Variants in MCC observed in about 807,000 individuals in gnomAD.
MCC encodes the protein MCC regulator of Wnt signaling pathway, also known as colorectal mutant cancer protein.
A neutral mutation model predicts 116.2 loss-of-function variants in MCC; 90 were observed. The ratio of observed to expected loss-of-function variants is 0.77; its 90% CI spans 0.65 to 0.92. The LOEUF (loss-of-function observed/expected upper bound fraction) is 0.92. Among genes scored for constraint, MCC ranks in the 40% least tolerant of loss-of-function variants. MCC has a pLI of 0.00. For missense variants in MCC, 1,516 were observed against 1,312.2 expected (o/e 1.16, Z -2.40); for synonymous variants, 578 against 510.5 (o/e 1.13, Z -1.78).
At chr5:113,113,827 A>G (rs1244892267) in intron 6 of MCC, among the ~76,000 whole-genome samples, 2 of 152,102 alleles carry the variant, frequency 1.3e-5, no homozygotes, top group Non-Finnish European at 2.9e-5. Context: ...ATTAAAGGAG[A>G]GTCAAAAGAC....
intron 2 of MCC, among the ~76,000 whole-genome samples, chr5:113,364,262 C>CAAAAAAAAA (rs1561538969): frequency 2.5e-5 from 2 of 78,606 alleles, no homozygotes; most frequent in Non-Finnish European, 5.2e-5. Context: ...AAAAAAAAAC[C>CAAAAAAAAA]AGAAAAAAAA....
chr5:113,483,540 C>T (rs1772434350), intron 1 of MCC, among the ~76,000 whole-genome samples: 1 of 152,038 alleles, frequency 6.6e-6, no homozygotes, highest in Admixed American at 6.6e-5. Flanking sequence ...TTGTATATTT[C>T]TATATGTTTC....
chr5:113,071,136 T>G lies in MCC; in HGVS notation c.1883A>C (p.Tyr628Ser), dbSNP rs1360141836. Reference protein sequence around the residue: ...AERMSMLVGKYESNATALRLA... With the variant: ...AERMSMLVGKSESNATALRLA... ...CCTCAGCGCTGTGGCATTGGATTCG[T>G]ATTTTCCCACCAGCATGCTCATCCT... Residue 628 changes from tyrosine to serine, a missense_variant, in exon 12 of 19, where the codon TAC (tyrosine) becomes TCC (serine). Physicochemically the swap from Tyr to Ser is moderately radical, Grantham distance 144 (BLOSUM62 -2). Coordinates refer to ENST00000408903, the MANE Select transcript of MCC (RefSeq NM_001085377.2). 1 of 1,614,186 alleles carries G rather than the reference T, an allele frequency of 6.2e-7. No homozygotes were observed. The highest frequency in any genetic ancestry group is 1.7e-5 in the Admixed American group (1 of 60,024).
intron 1 of MCC, among the ~76,000 whole-genome samples, chr5:113,414,327 A>C (rs1196195003): frequency 2.0e-5 from 3 of 152,168 alleles, no homozygotes; most frequent in African/African-American, 7.2e-5. Context: ...TATCCTTGTT[A>C]ACCTTCTGTC....
Position 113,043,847 on chromosome 5 carries a change from G to A in MCC, c.2656-217C>T, listed in dbSNP as rs921068979. The stretch of plus-strand genomic sequence containing the variant: ...GCTCCTTTTGCAGACTGGCCAGTGC[G>A]GTGGGGATGACACCCAGTATGCTCT... On this transcript the variant is annotated intron_variant, in intron 16 of 18. Transcript: ENST00000408903. Among the ~76,000 whole-genome samples the A allele has an allele frequency of 5.3e-5, 8 of 152,374 alleles. No homozygotes were observed. In the East Asian group the frequency reaches 5.8e-4, roughly 11 times the overall value.
chr5:113,107,744 T>C (rs965298742), intron 6 of MCC, among the ~76,000 whole-genome samples: 13 of 152,194 alleles, frequency 8.5e-5, no homozygotes, highest in Non-Finnish European at 2.9e-5. Flanking sequence ...CTGTGCTGAC[T>C]TCCCTAGCGC....
intron 2 of MCC, among the ~76,000 whole-genome samples, chr5:113,367,142 T>G (rs767269398): frequency 5.9e-5 from 9 of 152,192 alleles, no homozygotes; most frequent in Non-Finnish European, 7.3e-5. Flanking sequence ...AACAATATAT[T>G]CTGATATTTA....
chr5:113,027,327 G>A lies in MCC; in HGVS notation c.3035C>T (p.Pro1012Leu). 2 of 1,614,144 alleles carry A rather than the reference G, an allele frequency of 1.2e-6. No individual in the cohort carries two copies. Among genetic ancestry groups the A allele is most frequent in the Non-Finnish European group, 1.7e-6 (2 of 1,180,012 alleles). The change falls in exon 19 of 19, where the codon CCA becomes CTA. Residue 1012 changes from proline (P) to leucine (L), a missense_variant. By Grantham distance (98) the Pro-to-Leu change is moderately conservative (BLOSUM62 -3). Coordinates refer to ENST00000408903, the MANE Select transcript of MCC (RefSeq NM_001085377.2). ...TTAAAGCGAAGTTTCATTGGTGTGT[G>A]GCCTGGAGTTCTCCTCCTCTAGCAG... ...IALLEEENSR[P>L]HTNETSL is the part of the protein sequence containing the mutation.
chr5:113,175,988 C>T (rs1427630128), intron 3 of MCC, among the ~76,000 whole-genome samples: 1 of 152,116 alleles, frequency 6.6e-6, no homozygotes. Flanking sequence ...GGAAAAAACA[C>T]TTTCTCTCAA....
At chr5:113,455,486 C>G (rs951798335) in intron 1 of MCC, among the ~76,000 whole-genome samples, 3 of 152,154 alleles carry the variant, frequency 2.0e-5, no homozygotes, top group African/African-American at 7.2e-5. Flanking sequence ...CAACTAACAG[C>G]TTATCTGATA....
At chr5:113,052,183 C>A (rs966717344) in intron 15 of MCC, among the ~76,000 whole-genome samples, 3 of 152,116 alleles carry the variant, frequency 2.0e-5, no homozygotes, top group Admixed American at 1.3e-4. Flanking sequence ...TTTATCACCC[C>A]ACGTTGGCCA....
In MCC at chr5:113,084,179, C is replaced by T. The variant is rs777615970; in HGVS notation, c.1557G>A (p.Arg519=). 1.2e-6 allele frequency: 2 copies of T among 1,613,916 alleles called. No individual in the cohort carries two copies. Among genetic ancestry groups the T allele is most frequent in the Non-Finnish European group, 1.7e-6 (2 of 1,179,810 alleles). Residue 519 remains arginine (R), a synonymous_variant, in exon 10 of 19, where the codon AGG becomes AGA. Coordinates refer to ENST00000408903, the MANE Select transcript of MCC (RefSeq NM_001085377.2). The stretch of plus-strand genomic sequence containing the variant: ...CGGACCTTGTCTTTGATAGCTTCAC[C>T]CTCTCAGCAATCTTAAAAAAGAAAA... The part of the protein sequence containing the change: ...NDIPIAKIAE[R]VKLSKTRSES...
rs189269022 is a variant in MCC, at chr5:113,065,532, G to C, written c.2030-1365C>G. Among the ~76,000 whole-genome samples, 4 of 152,232 alleles carry C rather than the reference G, an allele frequency of 2.6e-5. No homozygotes were observed. The South Asian group carries it at 6.2e-4, about 24-fold the overall frequency. On this transcript the variant is annotated intron_variant, in intron 13 of 18. Transcript: ENST00000408903. ...CTAACATACAAAAAAGGTAAATGCG[G>C]AATTGGATGAAGTGGGCAGAAGTGG...
At chr5:113,307,888 T>C (rs1214349637) in intron 3 of MCC, among the ~76,000 whole-genome samples, 1 of 152,206 alleles carries the variant, frequency 6.6e-6, no homozygotes, top group East Asian at 1.9e-4. Context: ...TCTTACTATC[T>C]TTCCCAAGCT....
At chr5:113,181,850 G>A (rs77646656) in intron 3 of MCC, among the ~76,000 whole-genome samples, 4,340 of 152,316 alleles carry the variant, frequency 0.028, 85 homozygotes, top group African/African-American at 0.037. Context: ...CTCCTTACCT[G>A]TGACTGCAGC....
At chr5:113,351,592 A>C (rs923984110) in intron 2 of MCC, among the ~76,000 whole-genome samples, 2 of 152,102 alleles carry the variant, frequency 1.3e-5, no homozygotes, top group African/African-American at 4.8e-5. Context: ...AATGTGTACA[A>C]AAAAATAGTT....
intron 17 of MCC, among the ~76,000 whole-genome samples, chr5:113,030,349 G>A (rs1435891935): frequency 6.6e-6 from 1 of 152,154 alleles, no homozygotes; most frequent in East Asian, 1.9e-4. Flanking sequence ...GCCTACCCAT[G>A]CTACCGAAAT....
chr5:113,093,363 G>A (rs1013518669), intron 8 of MCC, among the ~76,000 whole-genome samples: 2 of 152,100 alleles, frequency 1.3e-5, no homozygotes, highest in African/African-American at 4.8e-5. Context: ...GCTTAGCTTA[G>A]AATTCAAGGG....
chr5:113,043,401 C>G (rs1751857141), intron 17 of MCC, 129 bp downstream of exon 17: 1 of 853,220 alleles, frequency 1.2e-6, no homozygotes, highest in Non-Finnish European at 1.9e-6. Flanking sequence ...TTCTCCATTT[C>G]TGGCTTCCAA....
Sources: allele counts gnomAD v4.1 joint callset (sites outside exome capture counted in the v4.1 genomes callset), GRCh38; gene constraint gnomAD v4.1.1; transcripts MANE v1.5; gene names NCBI Gene and HGNC (gene_info 2026-07-23, HGNC 2026-07-21).